Variants in PDE4B observed in about 807,000 individuals in gnomAD.
PDE4B encodes the protein phosphodiesterase 4B.
PDE4B carries 20 observed loss-of-function variants against 82.2 expected under a neutral mutation model. That is an observed-to-expected ratio of 0.24 (90% confidence interval 0.17 to 0.35). The LOEUF is 0.35. Among genes scored for constraint, PDE4B ranks in the 10% least tolerant of loss-of-function variants. The pLI, the probability that PDE4B is intolerant of heterozygous loss-of-function variation, is 1.00. For missense variants in PDE4B, 655 were observed against 907.2 expected (o/e 0.72, Z 3.57); for synonymous variants, 320 against 318.9 (o/e 1.00, Z -0.04).
intron 3 of PDE4B, among the ~76,000 whole-genome samples, chr1:65,983,741 T>C (rs1246998711): frequency 1.3e-5 from 2 of 151,796 alleles, no homozygotes; most frequent in African/African-American, 4.8e-5. Context: ...TCCAGAACAG[T>C]GAGACAATAC....
At chr1:66,274,433 A>C (rs1268579766) in intron 7 of PDE4B, among the ~76,000 whole-genome samples, 1 of 151,992 alleles carries the variant, frequency 6.6e-6, no homozygotes, top group East Asian at 1.9e-4. Flanking sequence ...TCGGCCTCCC[A>C]AAGTGCTGGG....
At chr1:65,976,571 T>G (rs1180753659) in intron 3 of PDE4B, among the ~76,000 whole-genome samples, 1 of 152,120 alleles carries the variant, frequency 6.6e-6, no homozygotes, top group African/African-American at 2.4e-5. Flanking sequence ...TGATATGGTT[T>G]GGGTTTGTGT....
At chr1:66,294,659 T>C (rs1169818702) in intron 7 of PDE4B, among the ~76,000 whole-genome samples, 9 of 152,196 alleles carry the variant, frequency 5.9e-5, no homozygotes, top group Non-Finnish European at 1.5e-5. Context: ...ATCTGTATTT[T>C]ATCTGTATTT....
chr1:66,036,170 TA>T (rs897065529), intron 3 of PDE4B, among the ~76,000 whole-genome samples: 4 of 152,208 alleles, frequency 2.6e-5, no homozygotes, highest in East Asian at 1.9e-4. Flanking sequence ...TTTTTAAAGT[TA>T]TTTTTTTCCT....
chr1:66,302,944 C>T (rs891886635), intron 7 of PDE4B, among the ~76,000 whole-genome samples: 2 of 152,180 alleles, frequency 1.3e-5, no homozygotes, highest in Non-Finnish European at 2.9e-5. Flanking sequence ...GAAACCACTT[C>T]CTCTAAGAAG....
At chr1:65,857,528 A>C (rs1646406778) in intron 1 of PDE4B, among the ~76,000 whole-genome samples, 1 of 152,166 alleles carries the variant, frequency 6.6e-6, no homozygotes, top group Non-Finnish European at 1.5e-5. Context: ...CCTGATGCAA[A>C]AATAAAAAAC....
At chr1:65,899,464 C>T (rs1646947518) in intron 1 of PDE4B, among the ~76,000 whole-genome samples, 1 of 151,858 alleles carries the variant, frequency 6.6e-6, no homozygotes, top group Non-Finnish European at 1.5e-5. Context: ...AGCAATCCCA[C>T]TACTGGGTAT....
At chr1:66,199,151 G>A (rs1648631612) in intron 3 of PDE4B, among the ~76,000 whole-genome samples, 1 of 151,748 alleles carries the variant, frequency 6.6e-6, no homozygotes, top group African/African-American at 2.4e-5. Context: ...GGGTCAAATG[G>A]TATTTCTAGT....
chr1:66,102,080 T>C (rs1196229387), intron 3 of PDE4B, among the ~76,000 whole-genome samples: 1 of 152,196 alleles, frequency 6.6e-6, no homozygotes, highest in African/African-American at 2.4e-5. Flanking sequence ...CACCATTTAT[T>C]AAATAGGGAA....
chr1:66,315,755 A>G (rs752776743), intron 7 of PDE4B, among the ~76,000 whole-genome samples: 20 of 152,144 alleles, frequency 1.3e-4, no homozygotes, highest in Non-Finnish European at 2.2e-4. Context: ...CTTGCTGTTT[A>G]TCAAGCACTG....
chr1:66,211,876 G>A (rs888215837), intron 3 of PDE4B, among the ~76,000 whole-genome samples: 3 of 152,106 alleles, frequency 2.0e-5, no homozygotes, highest in African/African-American at 4.8e-5. Flanking sequence ...CCCAGCTGGC[G>A]GATATTCTTA....
chr1:65,795,378 A>G (rs1234868900), intron 1 of PDE4B, among the ~76,000 whole-genome samples: 5 of 152,232 alleles, frequency 3.3e-5, no homozygotes, highest in Non-Finnish European at 7.3e-5. Context: ...AAACCTTCAA[A>G]CAGCATAGTT....
chr1:66,100,620 T>G (rs1645202959), intron 3 of PDE4B, among the ~76,000 whole-genome samples: 1 of 152,134 alleles, frequency 6.6e-6, no homozygotes, highest in Non-Finnish European at 1.5e-5. Flanking sequence ...GTGTTTGAAC[T>G]CATGAAAAAT....
At chr1:65,805,960 G>A (rs1645750916) in intron 1 of PDE4B, among the ~76,000 whole-genome samples, 1 of 152,024 alleles carries the variant, frequency 6.6e-6, no homozygotes, top group South Asian at 2.1e-4. Context: ...TAATTTTGGT[G>A]GGGGAGCTCA....
At chr1:66,237,971 A>AT (rs1457130664) in intron 3 of PDE4B, among the ~76,000 whole-genome samples, 1 of 152,202 alleles carries the variant, frequency 6.6e-6, no homozygotes, top group Non-Finnish European at 1.5e-5. Context: ...GGGAAAAAAA[A>AT]GACAAATAAA....
chr1:65,981,923 C>T (rs79664882), intron 3 of PDE4B, among the ~76,000 whole-genome samples: 4,279 of 152,170 alleles, frequency 0.028, 94 homozygotes, highest in Non-Finnish European at 0.041. Flanking sequence ...CATTTTTGGA[C>T]GTCTAGCTCC....
intron 3 of PDE4B, among the ~76,000 whole-genome samples, chr1:66,190,929 T>G (rs1156249547): frequency 2.0e-5 from 3 of 152,166 alleles, no homozygotes; most frequent in Non-Finnish European, 4.4e-5. Flanking sequence ...TCTGCGTCAC[T>G]CACGCTGGGA....
chr1:66,294,400 C>T (rs1657348325), intron 7 of PDE4B, among the ~76,000 whole-genome samples: 2 of 152,068 alleles, frequency 1.3e-5, no homozygotes, highest in South Asian at 4.1e-4. Flanking sequence ...ACCCACAAAA[C>T]ACAATTTTCT....
intron 3 of PDE4B, among the ~76,000 whole-genome samples, chr1:65,990,181 C>T (rs909988314): frequency 1.3e-5 from 2 of 151,904 alleles, no homozygotes; most frequent in African/African-American, 4.8e-5. Context: ...AATGTGGAAT[C>T]CCACGTGATG....
Sources: gnomAD v4.1 joint callset for allele counts (sites outside exome capture counted in the v4.1 genomes callset) on GRCh38, gnomAD v4.1.1 for gene constraint, MANE v1.5 for transcripts, NCBI Gene and HGNC (gene_info 2026-07-23, HGNC 2026-07-21) for gene names.